HAUS6: variants seen among roughly 807,000 people sequenced by gnomAD.
HAUS6 encodes HAUS augmin-like complex subunit 6.
HAUS6 carries 80 observed loss-of-function variants against 106.8 expected under a neutral mutation model. That is an observed-to-expected ratio of 0.75 (90% confidence interval 0.63 to 0.90). HAUS6 has a LOEUF of 0.90. Among genes scored for constraint, HAUS6 ranks in the 40% least tolerant of loss-of-function variants. The pLI, the probability that HAUS6 is intolerant of heterozygous loss-of-function variation, is 0.00. For synonymous variants in HAUS6, 356 were observed against 379.1 expected (o/e 0.94, Z 0.71); for missense variants, 1,155 against 1,118.1 (o/e 1.03, Z -0.47).
chr9:19,093,476 G>C (rs939003337), intron 3 of HAUS6, among the ~76,000 whole-genome samples, 173 bp from the exon 4 acceptor site: 3 of 152,206 alleles, frequency 2.0e-5, no homozygotes, highest in African/African-American at 7.2e-5. Context: ...TCATAGCACA[G>C]TGGCTTGGAC....
chr9:19,076,394 T>G (rs1837004863), intron 11 of HAUS6, among the ~76,000 whole-genome samples: 1 of 152,042 alleles, frequency 6.6e-6, no homozygotes, highest in Admixed American at 6.6e-5. Flanking sequence ...TAGATAGTGA[T>G]GATGACTGCA....
At chr9:19,064,807 T>C (rs1443170256) in intron 12 of HAUS6, among the ~76,000 whole-genome samples, 1 of 152,212 alleles carries the variant, frequency 6.6e-6, no homozygotes, top group South Asian at 2.1e-4. Context: ...AACGTAGCAT[T>C]GACAAAATAT....
At position 19,053,712 on chromosome 9, in the gene HAUS6, A is replaced by T. The variant is rs1285194558; in HGVS notation, c.*2631T>A. 2 of 152,198 alleles carry T rather than the reference A, an allele frequency of 1.3e-5. No individual in the cohort carries two copies. Among genetic ancestry groups the T allele is most frequent in the Non-Finnish European group, 1.5e-5 (1 of 68,014 alleles). The allele number at this position is 152,198 out of a possible 1,614,324, so 9.4% of individuals were successfully genotyped here. Reference sequence around the variant, plus strand: ...AAACAAAGTACATTCTATATGTCTGATATTAATGTAATAAGAAATCCACTT... The same window carrying T: ...AAACAAAGTACATTCTATATGTCTGTTATTAATGTAATAAGAAATCCACTT... On this transcript the variant is annotated 3_prime_UTR_variant, in exon 17 of 17. Coordinates refer to ENST00000380502, the MANE Select transcript of HAUS6 (RefSeq NM_017645.5).
At chr9:19,082,284 A>G (rs1239843339) in intron 8 of HAUS6, among the ~76,000 whole-genome samples, 1 of 152,248 alleles carries the variant, frequency 6.6e-6, no homozygotes, top group Middle Eastern at 3.2e-3. Flanking sequence ...GTTGCCTTTG[A>G]GAATTTATAA....
intron 1 of HAUS6, among the ~76,000 whole-genome samples, chr9:19,101,989 A>G (rs1817998330): frequency 6.6e-6 from 1 of 152,330 alleles, no homozygotes. Flanking sequence ...TTGATAAAAC[A>G]GAAGTGGAAA....
At chr9:19,070,609 C>G (rs535379418) in intron 11 of HAUS6, among the ~76,000 whole-genome samples, 1 of 152,280 alleles carries the variant, frequency 6.6e-6, no homozygotes, top group South Asian at 2.1e-4. Flanking sequence ...GAGATTATCA[C>G]AAAAGCCAGC....
chr9:19,054,715 G>A lies in HAUS6; in HGVS notation c.*1628C>T, dbSNP rs1347251393. ...TACCTGCTTCTTAAAAGTACCACAG[G>A]GTTAAATGTGAATCTCTATTTCCTA... On this transcript the variant is annotated 3_prime_UTR_variant, in exon 17 of 17. Coordinates refer to ENST00000380502, the MANE Select transcript of HAUS6 (RefSeq NM_017645.5). 1 of 152,082 alleles carries A rather than the reference G, an allele frequency of 6.6e-6. No individual in the cohort carries two copies. Among genetic ancestry groups the A allele is most frequent in the Non-Finnish European group, 1.5e-5 (1 of 67,998 alleles). The allele number at this position is 152,082 out of a possible 1,614,324, so 9.4% of individuals were successfully genotyped here.
At chr9:19,064,731 T>G (rs952666607) in intron 12 of HAUS6, among the ~76,000 whole-genome samples, 1 of 152,214 alleles carries the variant, frequency 6.6e-6, no homozygotes, top group Admixed American at 6.5e-5. Flanking sequence ...TTTTCAAATA[T>G]GCACTCTTAG....
At chr9:19,067,141 T>G (rs1225962947) in intron 12 of HAUS6, among the ~76,000 whole-genome samples, 1 of 152,234 alleles carries the variant, frequency 6.6e-6, no homozygotes, top group East Asian at 1.9e-4. Flanking sequence ...TTTAGTTGAA[T>G]AGTTATATTG....
chr9:19,091,275 G>C (rs1004612460), intron 4 of HAUS6, among the ~76,000 whole-genome samples: 4 of 151,214 alleles, frequency 2.6e-5, no homozygotes, highest in Non-Finnish European at 4.4e-5. Flanking sequence ...ACTCCAGCTT[G>C]GGCAACAGAG....
In HAUS6 at chr9:19,089,432, T is replaced by G. The variant is rs139911174; in HGVS notation, c.564A>C (p.Gln188His). The G allele has an allele frequency of 6.0e-5, 97 of 1,609,378 alleles. No individual in the cohort carries two copies. The highest frequency in any genetic ancestry group is 1.6e-4 in the Middle Eastern group (1 of 6,074). The change falls in exon 5 of 17, where the codon CAA becomes CAC. Residue 188 changes from glutamine (Q) to histidine (H), a missense_variant. Around this residue, in one of 3 missense-constraint regions of HAUS6, gnomAD observed 761 missense variants for 690.0 expected, o/e 1.10. Coordinates refer to ENST00000380502, the MANE Select transcript of HAUS6 (RefSeq NM_017645.5). ...CTTACTGTGCATTTTCCTGATATTTTTGGGTAACACAATCTTGTCTTTGCA... is the reference window on the plus strand; with the variant it reads ...CTTACTGTGCATTTTCCTGATATTTGTGGGTAACACAATCTTGTCTTTGCA... ...QILQRQDCVTQKYQENAQLSV... is the reference protein window; with the variant it reads ...QILQRQDCVTHKYQENAQLSV...
intron 8 of HAUS6, among the ~76,000 whole-genome samples, chr9:19,082,429 T>C (rs1241436839): frequency 1.5e-5 from 2 of 132,064 alleles, no homozygotes; most frequent in Non-Finnish European, 3.2e-5. Flanking sequence ...TCACTCCTTA[T>C]GAAAGTTTTA....
chr9:19,090,719 T>C (rs1473289939), intron 4 of HAUS6, among the ~76,000 whole-genome samples: 2 of 152,168 alleles, frequency 1.3e-5, no homozygotes. Flanking sequence ...GGAGATCACA[T>C]CATCTCCATT....
intron 15 of HAUS6, 68 bp from the exon 16 acceptor site, chr9:19,059,069 T>C (rs1414544728): frequency 1.2e-6 from 1 of 825,654 alleles, no homozygotes; most frequent in Non-Finnish European, 2.0e-6. Flanking sequence ...TGAATCATTT[T>C]ATTTCTAACA....
chr9:19,089,742 A>G (rs186315208), intron 4 of HAUS6, 183 bp from the exon 5 acceptor site: 140 of 531,550 alleles, frequency 2.6e-4, no homozygotes, highest in African/African-American at 2.4e-3. Flanking sequence ...TTGAATTTCA[A>G]TATTAAGAAA....
At chr9:19,076,481 C>A in intron 11 of HAUS6, 121 bp downstream of exon 11, 1 of 668,986 alleles carries the variant, frequency 1.5e-6, no homozygotes. Context: ...ATGTTACATG[C>A]ATTTCACCAC....
intron 2 of HAUS6, 40 bp from the exon 3 acceptor site, chr9:19,094,435 A>G: frequency 8.8e-7 from 1 of 1,131,900 alleles, no homozygotes; most frequent in Non-Finnish European, 1.3e-6. Context: ...TATGCACAAC[A>G]ATAGCCAAAA....
intron 11 of HAUS6, 58 bp from the exon 12 acceptor site, chr9:19,070,358 A>T: frequency 1.0e-6 from 1 of 952,844 alleles, no homozygotes; most frequent in Non-Finnish European, 1.7e-6. Context: ...CTAACATTCA[A>T]GGATTCCTTG....
rs773856977 is a variant in HAUS6 at position 19,058,500 on chromosome 9, G to A, written c.2267C>T (p.Ser756Phe). The A allele has an allele frequency of 2.5e-6, 4 of 1,580,084 alleles. No homozygotes were observed. In the African/African-American group the frequency reaches 5.5e-5, roughly 22 times the overall value. ...ACTAATTCCACTTGATATCTGAAAA[G>A]AATTCCACAACATAGTTTTATTTGT... ...PSTNKTMLWN[S>F]FQISSGISSK... Residue 756 changes from serine (S) to phenylalanine (F), a missense_variant, in exon 16 of 17, where the codon TCT (serine) becomes TTT (phenylalanine). Physicochemically the swap from Ser to Phe is radical, Grantham distance 155. Coordinates refer to ENST00000380502, the MANE Select transcript of HAUS6 (RefSeq NM_017645.5).
Sources: gnomAD v4.1 joint callset for allele counts (sites outside exome capture counted in the v4.1 genomes callset) on GRCh38, gnomAD v4.1.1 for gene constraint, gnomAD v4.1.1 regional missense constraint, MANE v1.5 for transcripts, NCBI Gene and HGNC (gene_info 2026-07-23, HGNC 2026-07-21) for gene names.